The following MAP4K3 variants were observed in gnomAD, a reference collection of about 807,000 sequenced individuals.
MAP4K3 encodes the protein MAPK/ERK kinase kinase kinase 3.
Under a neutral mutation model 143.5 loss-of-function variants are expected in MAP4K3, and 94 were observed. The ratio of observed to expected loss-of-function variants is 0.65; its 90% CI spans 0.55 to 0.78. The LOEUF (loss-of-function observed/expected upper bound fraction) is 0.78. Among genes scored for constraint, MAP4K3 ranks in the 30% least tolerant of loss-of-function variants. MAP4K3 has a pLI of 0.00. For synonymous variants in MAP4K3, 416 were observed against 347.2 expected, an observed-to-expected ratio of 1.20 and a Z score of -2.20; for missense variants, 1,077 against 1,068.1, an observed-to-expected ratio of 1.01 and a Z score of -0.12.
At chr2:39,300,527 A>T (rs1682466331) in intron 15 of MAP4K3, among the ~76,000 whole-genome samples, 1 of 152,216 alleles carries the variant, frequency 6.6e-6, no homozygotes, top group South Asian at 2.1e-4. Flanking sequence ...ACAACCATGA[A>T]AAGAATGAAG....
chr2:39,272,125 A>G (rs7584515), intron 26 of MAP4K3, 158 bp downstream of exon 26: 3 of 484,870 alleles, frequency 6.2e-6, no homozygotes, highest in Non-Finnish European at 1.1e-5. Flanking sequence ...TTTTAGAACA[A>G]GAGTGTGATC....
chr2:39,298,598 A>C (rs1167545159), intron 16 of MAP4K3, among the ~76,000 whole-genome samples: 1 of 152,192 alleles, frequency 6.6e-6, no homozygotes, highest in Non-Finnish European at 1.5e-5. Flanking sequence ...GTCTTTAGTT[A>C]CTATTTCTCA....
intron 4 of MAP4K3, among the ~76,000 whole-genome samples, chr2:39,342,913 T>C (rs1334801344): frequency 6.6e-6 from 1 of 152,212 alleles, no homozygotes; most frequent in Non-Finnish European, 1.5e-5. Context: ...ACTTTACAAA[T>C]CTCTTATACA....
At chr2:39,337,951 T>TG (rs941027611) in intron 4 of MAP4K3, among the ~76,000 whole-genome samples, 2 of 151,834 alleles carry the variant, frequency 1.3e-5, no homozygotes, top group South Asian at 2.1e-4. Context: ...TTTGCAGAGA[T>TG]GGGGTCTCAT....
chr2:39,308,133 C>T (rs1682785698), intron 14 of MAP4K3, 128 bp from the exon 15 acceptor site: 1 of 534,926 alleles, frequency 1.9e-6, no homozygotes, highest in African/African-American at 2.0e-5. Context: ...AATGGAGAGT[C>T]AAACTGTATT....
At chr2:39,435,522 A>G (rs1399771809) in intron 1 of MAP4K3, among the ~76,000 whole-genome samples, 2 of 152,224 alleles carry the variant, frequency 1.3e-5, no homozygotes, top group Admixed American at 1.3e-4. Flanking sequence ...CTCAGCTGAA[A>G]GGCGATGAGC....
At chr2:39,308,829 C>T (rs1322516306) in intron 14 of MAP4K3, among the ~76,000 whole-genome samples, 2 of 152,000 alleles carry the variant, frequency 1.3e-5, no homozygotes, top group Admixed American at 6.6e-5. Flanking sequence ...ACTTCATTTA[C>T]TATGTATGCC....
intron 29 of MAP4K3, among the ~76,000 whole-genome samples, chr2:39,259,322 C>G (rs1680469577): frequency 6.6e-6 from 1 of 152,104 alleles, no homozygotes; most frequent in African/African-American, 2.4e-5. Flanking sequence ...ATGAACAGCT[C>G]CGGGGGTGGG....
intron 1 of MAP4K3, among the ~76,000 whole-genome samples, chr2:39,422,446 A>T (rs1365089024): frequency 6.6e-6 from 1 of 152,202 alleles, no homozygotes; most frequent in African/African-American, 2.4e-5. Context: ...ACTATAAGCC[A>T]AAGAGTGAGG....
intron 1 of MAP4K3, among the ~76,000 whole-genome samples, chr2:39,399,478 G>A (rs1466889098): frequency 1.3e-5 from 2 of 152,138 alleles, no homozygotes; most frequent in Admixed American, 1.3e-4. Flanking sequence ...AAACACATGG[G>A]AACCATCTCA....
intron 1 of MAP4K3, among the ~76,000 whole-genome samples, chr2:39,413,376 C>A (rs1399562245): frequency 1.3e-5 from 2 of 152,080 alleles, no homozygotes; most frequent in East Asian, 3.9e-4. Flanking sequence ...TGTCTCTCCA[C>A]CATTATGAGG....
At chr2:39,253,590 G>A (rs538512770) in intron 32 of MAP4K3, among the ~76,000 whole-genome samples, 1 of 152,348 alleles carries the variant, frequency 6.6e-6, no homozygotes, top group East Asian at 1.9e-4. Flanking sequence ...CTAACTAGCT[G>A]AACTTGAGAC....
chr2:39,386,085 T>C (rs1035116865), intron 1 of MAP4K3, among the ~76,000 whole-genome samples: 62 of 152,166 alleles, frequency 4.1e-4, no homozygotes, highest in African/African-American at 1.5e-3. Flanking sequence ...AGGAAGGGCA[T>C]TTGAAGAGGT....
intron 2 of MAP4K3, among the ~76,000 whole-genome samples, chr2:39,361,462 G>C (rs756081984): frequency 1.3e-5 from 2 of 150,304 alleles, no homozygotes; most frequent in African/African-American, 4.9e-5. Flanking sequence ...AAAATAAGGC[G>C]GTATAAACAG....
intron 16 of MAP4K3, 70 bp from the exon 17 acceptor site, chr2:39,293,338 T>A (rs774970259): frequency 8.8e-6 from 9 of 1,023,128 alleles, no homozygotes; most frequent in Non-Finnish European, 1.3e-5. Context: ...TGTGTTTTTA[T>A]CATTTTAACC....
intron 1 of MAP4K3, among the ~76,000 whole-genome samples, chr2:39,420,970 G>A (rs1331345937): frequency 6.6e-6 from 1 of 151,974 alleles, no homozygotes. Context: ...ATCTCTCCAG[G>A]TCATCTATGC....
chr2:39,296,291 A>G (rs6732290), intron 16 of MAP4K3, among the ~76,000 whole-genome samples: 10,743 of 152,280 alleles, frequency 0.071, 1,291 homozygotes, highest in African/African-American at 0.25. Context: ...AATTTGCTAA[A>G]AAGTCTGTTT....
intron 1 of MAP4K3, among the ~76,000 whole-genome samples, chr2:39,391,377 A>G (rs911877071): frequency 2.7e-5 from 4 of 150,048 alleles, no homozygotes; most frequent in African/African-American, 9.8e-5. Flanking sequence ...AAAAAAAAAA[A>G]AAAAGAAAGA....
At chr2:39,353,590 A>G (rs764313225) in intron 3 of MAP4K3, among the ~76,000 whole-genome samples, 30 of 152,234 alleles carry the variant, frequency 2.0e-4, no homozygotes, top group Non-Finnish European at 3.1e-4. Flanking sequence ...CATAAAATAA[A>G]AAACTTAGAT....
Sources: allele counts gnomAD v4.1 joint callset (sites outside exome capture counted in the v4.1 genomes callset), GRCh38; gene constraint gnomAD v4.1.1; transcripts MANE v1.5; gene names NCBI Gene and HGNC (gene_info 2026-07-23, HGNC 2026-07-21).